The following RIMS1 variants were observed in gnomAD, a reference collection of about 807,000 sequenced individuals.
The protein encoded by RIMS1 is regulating synaptic membrane exocytosis 1, also known as regulating synaptic membrane exocytosis protein 1.
Under a neutral mutation model 214.1 loss-of-function variants are expected in RIMS1, and 83 were observed. The observed-to-expected ratio is 0.39, with a 90% CI of 0.32 to 0.47. The LOEUF (loss-of-function observed/expected upper bound fraction) is 0.47. Ranked by LOEUF, RIMS1 falls within the 20% of genes least tolerant of loss-of-function variation. The pLI is 0.99. For missense variants in RIMS1, 2,050 were observed against 2,161.8 expected, an observed-to-expected ratio of 0.95 and a Z score of 1.03; for synonymous variants, 793 against 786.8, an observed-to-expected ratio of 1.01 and a Z score of -0.13.
At chr6:72,260,369 T>C (rs963906672) in intron 18 of RIMS1, among the ~76,000 whole-genome samples, 3 of 152,112 alleles carry the variant, frequency 2.0e-5, no homozygotes, top group African/African-American at 7.2e-5. Context: ...GCCAAATTTA[T>C]AGTATTAAAA....
intron 2 of RIMS1, among the ~76,000 whole-genome samples, chr6:72,086,934 T>TTA (rs1430445796): frequency 2.6e-4 from 39 of 152,290 alleles, no homozygotes; most frequent in South Asian, 8.3e-4. Context: ...AATGAAATAA[T>TTA]ACAAGCTAAG....
At chr6:72,384,197 T>G in intron 29 of RIMS1, among the ~76,000 whole-genome samples, 1 of 152,172 alleles carries the variant, frequency 6.6e-6, no homozygotes, top group Non-Finnish European at 1.5e-5. Flanking sequence ...CCAATCTACA[T>G]AGAAACAAGC....
At chr6:72,138,478 A>G (rs1450063339) in intron 4 of RIMS1, among the ~76,000 whole-genome samples, 1 of 152,174 alleles carries the variant, frequency 6.6e-6, no homozygotes, top group Non-Finnish European at 1.5e-5. Flanking sequence ...GATTTTTCAA[A>G]TAAATGAAAA....
chr6:72,157,498 T>C lies in RIMS1; in HGVS notation c.472-22077T>C, dbSNP rs75970904. Among the ~76,000 whole-genome samples the C allele has an allele frequency of 3.2e-3, 445 of 140,700 alleles. 73 individuals carry two copies. The highest frequency in any genetic ancestry group is 0.021 in the Middle Eastern group (6 of 284). 92.3% of individuals were successfully genotyped at this position (140,700 alleles called of 152,430 possible). A position where few individuals can be genotyped will look rare whatever the true frequency, so the allele number is the denominator to read the frequency against. ...CAGAGTTGTGTGTCTTTTGGGTGAA[T>C]TAATTTTTCATCATAATTAAATGCT... On this transcript the variant is annotated intron_variant, in intron 4 of 33. Coordinates refer to ENST00000521978, the MANE Select transcript of RIMS1 (RefSeq NM_014989.7).
intron 16 of RIMS1, among the ~76,000 whole-genome samples, chr6:72,255,005 TTA>T (rs2075180699): frequency 8.7e-6 from 1 of 115,026 alleles, no homozygotes; most frequent in African/African-American, 3.1e-5. Flanking sequence ...AAGTAATATT[TTA>T]TGTTTCAAAG....
intron 1 of RIMS1, among the ~76,000 whole-genome samples, chr6:71,897,276 A>G (rs1772084086): frequency 6.6e-6 from 1 of 152,158 alleles, no homozygotes; most frequent in Non-Finnish European, 1.5e-5. Flanking sequence ...TTTTTCTGCC[A>G]CTAATCAAAA....
rs1213291043 is a variant in RIMS1, at chr6:72,316,059, T to C, written c.4130+2387T>C. 2.0e-5 allele frequency among the ~76,000 whole-genome samples: 3 copies of C among 152,178 alleles called. No individual in the cohort carries two copies. In the East Asian group the frequency reaches 5.8e-4, roughly 29 times the overall value. ...CAAAGTTTTTTGTTCCTATCATGTG[T>C]AAGGACTTTATTATCTTCTTTTTAA... is the stretch of plus-strand genomic sequence containing the variant. On this transcript the variant is annotated intron_variant, in intron 28 of 33. Transcript: ENST00000521978.
At position 72,242,444 on chromosome 6, in the gene RIMS1, C is replaced by T. The variant is rs1483973737; in HGVS notation, c.2081+7C>T. ...TTGTTTCAAGGCCTATTGGGTAAGG[C>T]TAAAAAAACTTACTTCTTAAGTTTA... is the stretch of plus-strand genomic sequence containing the variant. On this transcript the variant is annotated splice_region_variant and intron_variant, in intron 10 of 33. Transcript: ENST00000521978. 6.5e-7 allele frequency: 1 copy of T among 1,531,018 alleles called. No homozygotes were observed. Among genetic ancestry groups the T allele is most frequent in the Admixed American group, 2.2e-5 (1 of 45,958 alleles). The allele number at this position is 1,531,018 out of a possible 1,614,324, so 94.8% of individuals were successfully genotyped here.
intron 2 of RIMS1, among the ~76,000 whole-genome samples, chr6:72,030,136 A>G (rs552953612): frequency 7.2e-5 from 11 of 152,190 alleles, no homozygotes; most frequent in Non-Finnish European, 1.3e-4. Flanking sequence ...GTGCTTTTCA[A>G]TCTTTAATGA....
chr6:72,400,996 T>C lies in RIMS1; in HGVS notation c.*282T>C. On this transcript the variant is annotated 3_prime_UTR_variant, in exon 34 of 34. Coordinates refer to ENST00000521978, the MANE Select transcript of RIMS1 (RefSeq NM_014989.7). ...GAAACTTTAAATCCACGCATACACG[T>C]ACACACACACATGCACACACACACA... 1 of 372,710 alleles carries C rather than the reference T, an allele frequency of 2.7e-6. No homozygotes were observed. Among genetic ancestry groups the C allele is most frequent in the Non-Finnish European group, 5.0e-6 (1 of 199,848 alleles). The allele number at this position is 372,710 out of a possible 1,614,324, so 23.1% of individuals were successfully genotyped here.
intron 4 of RIMS1, among the ~76,000 whole-genome samples, chr6:72,164,479 C>T (rs941838540): frequency 8.5e-5 from 13 of 152,184 alleles, no homozygotes; most frequent in Admixed American, 2.0e-4. Context: ...TCTTCTGCAT[C>T]GCTCACGCCT....
intron 23 of RIMS1, 104 bp from the exon 24 acceptor site, chr6:72,283,943 A>G: frequency 1.3e-6 from 1 of 789,740 alleles, no homozygotes. Flanking sequence ...AAAATCATTT[A>G]GGTAATATAG....
chr6:71,890,424 C>G (rs1474470850), intron 1 of RIMS1, among the ~76,000 whole-genome samples: 1 of 39,702 alleles, frequency 2.5e-5, no homozygotes, highest in East Asian at 7.5e-4. Context: ...TGAAGGCTTT[C>G]TGAAACCTAA....
At chr6:72,315,435 A>T (rs550892779) in intron 28 of RIMS1, among the ~76,000 whole-genome samples, 3 of 152,316 alleles carry the variant, frequency 2.0e-5, no homozygotes, top group East Asian at 1.9e-4. Context: ...TAAGTGGATT[A>T]TGTAAATTTA....
At chr6:71,896,188 C>T (rs1012948441) in intron 1 of RIMS1, among the ~76,000 whole-genome samples, 19 of 152,066 alleles carry the variant, frequency 1.2e-4, no homozygotes, top group African/African-American at 4.3e-4. Flanking sequence ...TTATATTATT[C>T]ATGATTGTGA....
intron 1 of RIMS1, among the ~76,000 whole-genome samples, chr6:71,919,620 G>A (rs139152443): frequency 2.2e-4 from 34 of 152,158 alleles, no homozygotes; most frequent in African/African-American, 7.7e-4. Flanking sequence ...GAGTAGAAGA[G>A]AGAAGTAAAT....
chr6:72,261,670 G>A (rs373998184), intron 19 of RIMS1: 18 of 985,050 alleles, frequency 1.8e-5, no homozygotes, highest in African/African-American at 5.2e-5. Context: ...AGGTATTACC[G>A]CAGTACTTGG....
chr6:71,913,086 A>G (rs1357697397), intron 1 of RIMS1, among the ~76,000 whole-genome samples: 1 of 152,166 alleles, frequency 6.6e-6, no homozygotes, highest in Non-Finnish European at 1.5e-5. Context: ...CTTTGATTGA[A>G]TTACTAAATC....
At chr6:72,216,973 G>A in intron 6 of RIMS1, 1 of 1,379,284 alleles carries the variant, frequency 7.3e-7, no homozygotes, top group Non-Finnish European at 9.4e-7. Flanking sequence ...GATGACAGCA[G>A]CACTTATGGC....
Sources: gnomAD v4.1 joint callset for allele counts (sites outside exome capture counted in the v4.1 genomes callset) on GRCh38, gnomAD v4.1.1 for gene constraint, MANE v1.5 for transcripts, NCBI Gene and HGNC (gene_info 2026-07-23, HGNC 2026-07-21) for gene names.